Variants in ENOSF1 observed in about 807,000 individuals in gnomAD.
The protein encoded by ENOSF1 is mitochondrial enolase superfamily member 1.
Under a neutral mutation model 68.2 loss-of-function variants are expected in ENOSF1, and 73 were observed. The ratio of observed to expected loss-of-function variants is 1.07; its 90% CI spans 0.89 to 1.30. The LOEUF (loss-of-function observed/expected upper bound fraction) is 1.30, where lower values mean the gene tolerates loss of function less well. Among genes scored for constraint, ENOSF1 ranks in the 50% most tolerant of loss-of-function variants. The probability of loss-of-function intolerance (pLI) is 0.00; values close to 1 mark genes in which losing one functional copy is unlikely to be tolerated. For synonymous variants in ENOSF1, 223 were observed against 210.4 expected (o/e 1.06, Z -0.52); for missense variants, 589 against 554.5 (o/e 1.06, Z -0.62).
chr18:683,497 CT>C, intron 10 of ENOSF1, 117 bp from the exon 11 acceptor site: 1 of 1,220,428 alleles, frequency 8.2e-7, no homozygotes, highest in South Asian at 1.4e-5. Flanking sequence ...GTGAGACCCC[CT>C]AACGCCTCTG....
intron 1 of ENOSF1, among the ~76,000 whole-genome samples, chr18:709,201 C>T (rs955436190): frequency 6.6e-6 from 1 of 152,066 alleles, no homozygotes; most frequent in African/African-American, 2.4e-5. Flanking sequence ...TGGGAGTCTC[C>T]GGCATAAAGG....
chr18:670,611 T>C lies in ENOSF1; in HGVS notation c.*3694A>G. 1 of 1,505,066 alleles carries C rather than the reference T, an allele frequency of 6.6e-7. No homozygotes were observed. The highest frequency in any genetic ancestry group is 1.8e-5 in the Admixed American group (1 of 55,176). 93.2% of individuals were successfully genotyped at this position (1,505,066 alleles called of 1,614,324 possible). A position where few individuals can be genotyped will look rare whatever the true frequency, so the allele number is the denominator to read the frequency against. On this transcript the variant is annotated 3_prime_UTR_variant, in exon 16 of 16. Transcript: ENST00000647584. ...TCTCCACCATATGAGTTGGCTTCTG[T>C]TTCTCTCCTGTTTTACTTTGCCTTT...
chr18:695,200 A>G (rs1190998368), intron 3 of ENOSF1, among the ~76,000 whole-genome samples: 6 of 152,140 alleles, frequency 3.9e-5, no homozygotes, highest in Non-Finnish European at 8.8e-5. Flanking sequence ...TGTTATTAGC[A>G]TTTTAAAAGA....
intron 1 of ENOSF1, among the ~76,000 whole-genome samples, chr18:708,955 A>C (rs1462573991): frequency 6.6e-6 from 1 of 152,166 alleles, no homozygotes; most frequent in Non-Finnish European, 1.5e-5. Flanking sequence ...TGGAAAAAGG[A>C]AACCTTGCAC....
intron 14 of ENOSF1, among the ~76,000 whole-genome samples, chr18:676,460 A>T (rs1028720493): frequency 6.6e-6 from 1 of 151,130 alleles, no homozygotes; most frequent in African/African-American, 2.4e-5. Context: ...TTCCCCCCTC[A>T]CTCTCTCTTC....
At chr18:678,766 T>G (rs536903553) in intron 11 of ENOSF1, 29 bp from the exon 12 acceptor site, 2 of 1,612,878 alleles carry the variant, frequency 1.2e-6, no homozygotes, top group African/African-American at 2.7e-5. Flanking sequence ...CCTGGTGTTA[T>G]TTTCCTAAGT....
downstream of ENOSF1, chr18:668,983 A>G: frequency 9.2e-7 from 1 of 1,085,826 alleles, no homozygotes; most frequent in East Asian, 2.5e-5. Flanking sequence ...GACCCTGGGT[A>G]AGAGACTGTA....
At chr18:690,828 C>T in intron 7 of ENOSF1, 197 bp from the exon 8 acceptor site, 2 of 1,439,400 alleles carry the variant, frequency 1.4e-6, no homozygotes, top group Non-Finnish European at 1.8e-6. Flanking sequence ...CCTGCTCCCC[C>T]AGGGCTCTCC....
chr18:674,709 A>G (rs745709593), intron 15 of ENOSF1, among the ~76,000 whole-genome samples: 13 of 152,056 alleles, frequency 8.5e-5, no homozygotes, highest in Non-Finnish European at 1.6e-4. Context: ...TTGTAGAGAC[A>G]GGGTTTCACC....
intron 9 of ENOSF1, 127 bp from the exon 10 acceptor site, chr18:686,135 C>G (rs950477321): frequency 8.6e-6 from 6 of 695,166 alleles, no homozygotes; most frequent in African/African-American, 3.6e-5. Flanking sequence ...ACCTCTTGCT[C>G]TTTCCTCATC....
intron 10 of ENOSF1, among the ~76,000 whole-genome samples, chr18:684,862 G>C (rs1309295107): frequency 1.4e-5 from 2 of 142,628 alleles, no homozygotes; most frequent in African/African-American, 3.0e-5. Context: ...TGCTCAGAAT[G>C]GATTTTTTTT....
intron 6 of ENOSF1, 44 bp from the exon 7 acceptor site, chr18:691,150 G>A: frequency 6.2e-7 from 1 of 1,613,370 alleles, no homozygotes; most frequent in East Asian, 2.2e-5. Flanking sequence ...AGGAAACAAA[G>A]CATGCCACTA....
chr18:672,603 A>AACTT lies in ENOSF1; in HGVS notation c.*1698_*1701dup, dbSNP rs1290166848. ...TAAATTTGCCAAGAGTGGTTATAAG[A>AACTT]ACTTACACCTGATGAGGCACCAGGC... On this transcript the variant is annotated 3_prime_UTR_variant, in exon 16 of 16. Transcript: ENST00000647584. The AACTT allele has an allele frequency of 3.5e-4, 109 of 309,808 alleles. No individual in the cohort carries two copies. The highest frequency in any genetic ancestry group is 3.0e-5 in the Non-Finnish European group (5 of 166,824). The allele number at this position is 309,808 out of a possible 1,614,324, so 19.2% of individuals were successfully genotyped here.
intron 1 of ENOSF1, among the ~76,000 whole-genome samples, chr18:710,476 A>C (rs1349332890): frequency 6.6e-6 from 1 of 152,122 alleles, no homozygotes; most frequent in Non-Finnish European, 1.5e-5. Context: ...CTTCTGCTTC[A>C]GTTTCCTCAG....
intron 1 of ENOSF1, among the ~76,000 whole-genome samples, chr18:709,138 A>C (rs936987996): frequency 6.6e-6 from 1 of 152,228 alleles, no homozygotes; most frequent in African/African-American, 2.4e-5. Context: ...TGAAAAACCA[A>C]ACAGGAAGTA....
intron 1 of ENOSF1, among the ~76,000 whole-genome samples, chr18:711,863 T>C (rs766489809): frequency 2.6e-4 from 40 of 152,178 alleles, no homozygotes; most frequent in Non-Finnish European, 5.4e-4. Flanking sequence ...AACCCGACTG[T>C]GACACCTTCA....
rs200914271 is a variant in ENOSF1 at position 694,292 on chromosome 18, C to A, written c.352G>T (p.Val118Phe). ...CACAAGTCCCACACCGCGTTTAGGACGGCCGCTGTCGCCAGGTGCACCACG... is the reference window on the plus strand; with the variant it reads ...CACAAGTCCCACACCGCGTTTAGGAAGGCCGCTGTCGCCAGGTGCACCACG... Reference protein sequence around the residue: ...KGVVHLATAAVLNAVWDLWAK... With the variant: ...KGVVHLATAAFLNAVWDLWAK... Residue 118 changes from valine to phenylalanine, a missense_variant, in exon 4 of 16, where the codon GTC becomes TTC. Physicochemically the swap from Val to Phe is conservative, Grantham distance 50 (BLOSUM62 -1). Coordinates refer to ENST00000647584, the MANE Select transcript of ENOSF1 (RefSeq NM_017512.7). The A allele has an allele frequency of 1.9e-6, 3 of 1,614,158 alleles. No individual in the cohort carries two copies. In the African/African-American group the frequency reaches 4.0e-5, roughly 22 times the overall value.
At position 674,589 on chromosome 18, in the gene ENOSF1, G is replaced by A. The variant is rs189662914; in HGVS notation, c.1231-183C>T. ...GCTGCAGTGCAGTGGCGCAATCTTGGCTCACTGCAACCTCCACCTCCCAGG... is the reference window on the plus strand; with the variant it reads ...GCTGCAGTGCAGTGGCGCAATCTTGACTCACTGCAACCTCCACCTCCCAGG... On this transcript the variant is annotated intron_variant, in intron 15 of 15. Coordinates refer to ENST00000647584, the MANE Select transcript of ENOSF1 (RefSeq NM_017512.7). 4.5e-3 allele frequency among the ~76,000 whole-genome samples: 681 copies of A among 152,240 alleles called. 2 individuals are homozygous for A. Among genetic ancestry groups the A allele is most frequent in the South Asian group, 7.9e-3 (38 of 4,814 alleles).
intron 1 of ENOSF1, among the ~76,000 whole-genome samples, chr18:710,764 A>G (rs758544941): frequency 2.0e-5 from 3 of 152,218 alleles, no homozygotes; most frequent in Non-Finnish European, 2.9e-5. Context: ...TACCCATTTT[A>G]CAGATGAGAA....
Sources: allele counts gnomAD v4.1 joint callset (sites outside exome capture counted in the v4.1 genomes callset), GRCh38; gene constraint gnomAD v4.1.1; transcripts MANE v1.5; gene names NCBI Gene and HGNC (gene_info 2026-07-23, HGNC 2026-07-21).